The following NCBP3 variants were observed in gnomAD, a reference collection of about 807,000 sequenced individuals.
The protein encoded by NCBP3 is nuclear cap-binding protein subunit 3.
A neutral mutation model predicts 75.7 loss-of-function variants in NCBP3; 20 were observed. The ratio of observed to expected loss-of-function variants is 0.26; its 90% CI spans 0.19 to 0.38. The LOEUF is 0.38. NCBP3 is among the 10% of genes least tolerant of loss of function. The pLI is 1.00. For missense variants in NCBP3, 678 were observed against 796.9 expected (o/e 0.85, Z 1.80); for synonymous variants, 293 against 290.5 (o/e 1.01, Z -0.09).
Position 3,809,740 on chromosome 17 carries a change from A to G in NCBP3, c.*3304T>C, listed in dbSNP as rs2053381070. 1 of 152,176 alleles carries G rather than the reference A, an allele frequency of 6.6e-6. No individual in the cohort carries two copies. Among genetic ancestry groups the G allele is most frequent in the Non-Finnish European group, 1.5e-5 (1 of 68,032 alleles). 9.4% of individuals were successfully genotyped at this position (152,176 alleles called of 1,614,324 possible). Reference sequence around the variant, plus strand: ...ATAATAGAAATAGAAATATATATATATAGCCCTAAAGTAGAAACAACTCAA... The same window carrying G: ...ATAATAGAAATAGAAATATATATATGTAGCCCTAAAGTAGAAACAACTCAA... On this transcript the variant is annotated 3_prime_UTR_variant, in exon 13 of 13. Transcript: ENST00000389005.
rs2053395201 is a variant in NCBP3, at chr17:3,810,662, G to C, written c.*2382C>G. Reference sequence around the variant, plus strand: ...TGACTGAGAGTGGGCAGGAGGGTTAGAGAAACTAATAAGGCCAGTAACTCC... The same window carrying C: ...TGACTGAGAGTGGGCAGGAGGGTTACAGAAACTAATAAGGCCAGTAACTCC... On this transcript the variant is annotated 3_prime_UTR_variant, in exon 13 of 13. Transcript: ENST00000389005. The C allele has an allele frequency of 6.6e-6, 1 of 152,228 alleles. No homozygotes were observed. 9.4% of individuals were successfully genotyped at this position (152,228 alleles called of 1,614,324 possible). A position where few individuals can be genotyped will look rare whatever the true frequency, so the allele number is the denominator to read the frequency against.
rs781705522 is a variant in NCBP3, at chr17:3,821,240, G to A, written c.1000+9C>T. ...CATGTGTCTACCCAAGAGCTGAGCA[G>A]GCAACTACCAGAATGTCGATGTTTA... On this transcript the variant is annotated intron_variant, in intron 9 of 12. Transcript: ENST00000389005. 1.3e-4 allele frequency: 213 copies of A among 1,603,180 alleles called. No individual in the cohort carries two copies. The highest frequency in any genetic ancestry group is 1.7e-4 in the Non-Finnish European group (199 of 1,170,392).
chr17:3,833,904 A>G (rs1264088415), intron 3 of NCBP3, among the ~76,000 whole-genome samples: 3 of 152,256 alleles, frequency 2.0e-5, no homozygotes, highest in Middle Eastern at 3.4e-3. Flanking sequence ...TCCCTCTACT[A>G]TCACTCAGGA....
chr17:3,833,117 G>T (rs1423236604), intron 3 of NCBP3, among the ~76,000 whole-genome samples: 1 of 152,074 alleles, frequency 6.6e-6, no homozygotes, highest in Non-Finnish European at 1.5e-5. Context: ...GCTGAGTGTG[G>T]TGGTGTACAG....
At position 3,816,798 on chromosome 17, in the gene NCBP3, C is replaced by G. The variant is rs1224839728; in HGVS notation, c.1311-528G>C. 2.6e-5 allele frequency among the ~76,000 whole-genome samples: 4 copies of G among 152,206 alleles called. No homozygotes were observed. In the East Asian group the frequency reaches 7.7e-4, roughly 29 times the overall value. On this transcript the variant is annotated intron_variant, in intron 10 of 12. Transcript: ENST00000389005. ...CCTGTAATCCCAGCACTTTGGGAAG[C>G]TGAGGCGGGCGGATCACGAGGTCAG... is the stretch of plus-strand genomic sequence containing the variant.
chr17:3,833,183 G>A (rs1347267688), intron 3 of NCBP3, among the ~76,000 whole-genome samples: 1 of 152,152 alleles, frequency 6.6e-6, no homozygotes, highest in East Asian at 1.9e-4. Flanking sequence ...AGCCCAGGAG[G>A]TTGAGGCTGC....
At chr17:3,844,495 G>A (rs1348938538) in intron 1 of NCBP3, among the ~76,000 whole-genome samples, 2 of 152,218 alleles carry the variant, frequency 1.3e-5, no homozygotes, top group African/African-American at 4.8e-5. Context: ...TAAACTCCAG[G>A]AGGGAGGTTG....
At chr17:3,845,414 G>A (rs1158759285) in intron 1 of NCBP3, among the ~76,000 whole-genome samples, 3 of 152,134 alleles carry the variant, frequency 2.0e-5, no homozygotes, top group African/African-American at 7.2e-5. Flanking sequence ...CGCGGTAAAG[G>A]AGGGACCAAG....
rs1431910162 is a variant in NCBP3 at position 3,811,307 on chromosome 17, C to A, written c.*1737G>T. ...ACTCTACCAACTCCCCAAACCCTGA[C>A]CCTTCCTAAGAACCTGGCTCTCAGC... On this transcript the variant is annotated 3_prime_UTR_variant, in exon 13 of 13. Coordinates refer to ENST00000389005, the MANE Select transcript of NCBP3 (RefSeq NM_001114118.3). The A allele has an allele frequency of 6.6e-6, 1 of 152,210 alleles. No individual in the cohort carries two copies. The highest frequency in any genetic ancestry group is 2.4e-5 in the African/African-American group (1 of 41,430). The allele number at this position is 152,210 out of a possible 1,614,324, so 9.4% of individuals were successfully genotyped here.
rs1427212921 is a variant in NCBP3 at position 3,811,128 on chromosome 17, G to C, written c.*1916C>G. On this transcript the variant is annotated 3_prime_UTR_variant, in exon 13 of 13. Transcript: ENST00000389005. ...GCGAGCCCACTGCCGTCACAGCTTG[G>C]GAAGAGTAAACCGCCACTGAGATGC... 1 of 152,200 alleles carries C rather than the reference G, an allele frequency of 6.6e-6. No individual in the cohort carries two copies. The highest frequency in any genetic ancestry group is 2.1e-4 in the South Asian group (1 of 4,828). The allele number at this position is 152,200 out of a possible 1,614,324, so 9.4% of individuals were successfully genotyped here. A position where few individuals can be genotyped will look rare whatever the true frequency, so the allele number is the denominator to read the frequency against.
intron 3 of NCBP3, among the ~76,000 whole-genome samples, chr17:3,830,116 G>A (rs1435148806): frequency 8.5e-5 from 13 of 152,156 alleles, no homozygotes; most frequent in African/African-American, 1.9e-4. Context: ...GGTGGGCATC[G>A]TCACTGCGGA....
chr17:3,841,602 C>CTCTTTT (rs1555534505), intron 2 of NCBP3, among the ~76,000 whole-genome samples: 1 of 118,050 alleles, frequency 8.5e-6, no homozygotes, highest in African/African-American at 3.2e-5. Context: ...AATTCTCTCT[C>CTCTTTT]TTTTTTTTTT....
intron 3 of NCBP3, among the ~76,000 whole-genome samples, chr17:3,835,640 T>C (rs139585541): frequency 6.6e-6 from 1 of 152,360 alleles, no homozygotes; most frequent in Non-Finnish European, 1.5e-5. Flanking sequence ...CATAAATAGT[T>C]CTCACACTGT....
chr17:3,816,964 T>C (rs2053544773), intron 10 of NCBP3, among the ~76,000 whole-genome samples: 2 of 151,922 alleles, frequency 1.3e-5, no homozygotes, highest in African/African-American at 2.4e-5. Flanking sequence ...AAGGCGGAGC[T>C]TGCAGTGAGC....
At chr17:3,830,075 G>C (rs190570577) in intron 3 of NCBP3, among the ~76,000 whole-genome samples, 1 of 152,288 alleles carries the variant, frequency 6.6e-6, no homozygotes, top group East Asian at 1.9e-4. Context: ...AGTGCTGGCA[G>C]TAAGTAGGGG....
intron 3 of NCBP3, among the ~76,000 whole-genome samples, chr17:3,830,650 C>A (rs1392066553): frequency 2.6e-5 from 4 of 152,182 alleles, no homozygotes; most frequent in Non-Finnish European, 5.9e-5. Flanking sequence ...TGCAGTGGCA[C>A]GATCTCGGCT....
rs757789300 is a variant in NCBP3, at chr17:3,825,812, TTCA to T, written c.639_641del (p.Asp213del). 3.5e-5 allele frequency: 54 copies of T among 1,551,506 alleles called. No individual in the cohort carries two copies. In the Middle Eastern group the frequency reaches 5.0e-4, roughly 14 times the overall value. On this transcript the variant is annotated inframe_deletion, in exon 6 of 13. Coordinates refer to ENST00000389005, the MANE Select transcript of NCBP3 (RefSeq NM_001114118.3). ...CATCTTCAACCTCTCCTTCTTCAGCTTCATCATCATCTGAACTGTCTTCCTGCT... is the reference window on the plus strand; with the variant it reads ...CATCTTCAACCTCTCCTTCTTCAGCTTCATCATCTGAACTGTCTTCCTGCT...
chr17:3,836,782 A>G (rs1349388143), intron 3 of NCBP3, among the ~76,000 whole-genome samples: 1 of 152,188 alleles, frequency 6.6e-6, no homozygotes, highest in African/African-American at 2.4e-5. Context: ...ATTTGAATCC[A>G]GGTAACTAGG....
At chr17:3,835,950 A>G (rs1218884367) in intron 3 of NCBP3, among the ~76,000 whole-genome samples, 1 of 152,196 alleles carries the variant, frequency 6.6e-6, no homozygotes, top group African/African-American at 2.4e-5. Flanking sequence ...TGCTACTTAC[A>G]TAGCTGTGGG....
Sources: gnomAD v4.1 joint callset for allele counts (sites outside exome capture counted in the v4.1 genomes callset) on GRCh38, gnomAD v4.1.1 for gene constraint, MANE v1.5 for transcripts, NCBI Gene and HGNC (gene_info 2026-07-23, HGNC 2026-07-21) for gene names.